PLEKHA6: variants seen among roughly 807,000 people sequenced by gnomAD.
PLEKHA6 encodes pleckstrin homology domain-containing family A member 6.
Under a neutral mutation model 116.7 loss-of-function variants are expected in PLEKHA6, and 60 were observed. The ratio of observed to expected loss-of-function variants is 0.51; its 90% CI spans 0.42 to 0.64. The LOEUF (loss-of-function observed/expected upper bound fraction) is 0.64. Among genes scored for constraint, PLEKHA6 ranks in the 30% least tolerant of loss-of-function variants. PLEKHA6 has a pLI of 0.00. For synonymous variants in PLEKHA6, 489 were observed against 556.1 expected (o/e 0.88, Z 1.70); for missense variants, 1,338 against 1,422.7 (o/e 0.94, Z 0.96).
chr1:204,282,571 A>G (rs1487360183), intron 1 of PLEKHA6: 1 of 882,444 alleles, frequency 1.1e-6, no homozygotes, highest in African/African-American at 1.8e-5. Context: ...CCAAGACTCC[A>G]GGCCAGCATC....
chr1:204,234,165 G>A (rs901679945), intron 17 of PLEKHA6, among the ~76,000 whole-genome samples: 1 of 152,164 alleles, frequency 6.6e-6, no homozygotes, highest in African/African-American at 2.4e-5. Flanking sequence ...ATCCTTACAT[G>A]GGGCAGGAAA....
At chr1:204,338,281 A>G (rs1672722097) in intron 1 of PLEKHA6, among the ~76,000 whole-genome samples, 1 of 152,226 alleles carries the variant, frequency 6.6e-6, no homozygotes, top group Non-Finnish European at 1.5e-5. Context: ...TGGCTGCCAC[A>G]TATGTAAAAG....
At position 204,277,206 on chromosome 1, in the gene PLEKHA6, G is replaced by A. The variant is rs913996518; in HGVS notation, c.-94-2397C>T. 6.6e-6 allele frequency: 1 copy of A among 152,538 alleles called. No individual in the cohort carries two copies. Among genetic ancestry groups the A allele is most frequent in the African/African-American group, 2.4e-5 (1 of 41,428 alleles). The allele number at this position is 152,538 out of a possible 1,614,324, so 9.4% of individuals were successfully genotyped here. A position where few individuals can be genotyped will look rare whatever the true frequency, so the allele number is the denominator to read the frequency against. On this transcript the variant is annotated intron_variant, in intron 1 of 22. Transcript: ENST00000272203. The surrounding 1 kb of genome is among the most constrained non-coding windows in gnomAD (Gnocchi z 4.1). ...CCCTCCTCCTGGCTCTGGCTCTGGAGAACCAGGAGGGCACTCTCCTTGGGT... is the reference window on the plus strand; with the variant it reads ...CCCTCCTCCTGGCTCTGGCTCTGGAAAACCAGGAGGGCACTCTCCTTGGGT...
At chr1:204,268,454 C>T (rs1035163650) in intron 3 of PLEKHA6, 142 bp from the exon 4 acceptor site, 34 of 433,906 alleles carry the variant, frequency 7.8e-5, no homozygotes, top group African/African-American at 6.3e-4. Context: ...AGGTGTGAAT[C>T]TTGGATCTAT....
intron 7 of PLEKHA6, among the ~76,000 whole-genome samples, chr1:204,260,229 G>A (rs759027415): frequency 2.0e-5 from 3 of 152,170 alleles, no homozygotes; most frequent in African/African-American, 4.8e-5. Flanking sequence ...AAGAGTCTTG[G>A]GCTCCTCATC....
intron 1 of PLEKHA6, among the ~76,000 whole-genome samples, chr1:204,352,577 A>G (rs1314100996): frequency 1.3e-5 from 2 of 152,144 alleles, no homozygotes; most frequent in Admixed American, 6.5e-5. Flanking sequence ...GGAACCTCCT[A>G]GGAGAGTCTA....
At chr1:204,266,947 C>T (rs1666901071) in intron 5 of PLEKHA6, among the ~76,000 whole-genome samples, 1 of 152,124 alleles carries the variant, frequency 6.6e-6, no homozygotes, top group South Asian at 2.1e-4. Context: ...AAGGTGAAGC[C>T]AGAGGACATG....
chr1:204,297,127 A>G (rs1254052964), intron 1 of PLEKHA6: 2 of 983,358 alleles, frequency 2.0e-6, no homozygotes, highest in Non-Finnish European at 2.4e-6. Context: ...TAAAATCCGA[A>G]TCAGATGGAG....
chr1:204,333,066 C>T (rs781719612), intron 1 of PLEKHA6, among the ~76,000 whole-genome samples: 3 of 152,194 alleles, frequency 2.0e-5, no homozygotes, highest in Non-Finnish European at 4.4e-5. Context: ...ATAAGGCAAA[C>T]GACAAACTAA....
rs1436660855 is a variant in PLEKHA6, at chr1:204,261,612, G to A, written c.382-164C>T. 2 of 749,850 alleles carry A rather than the reference G, an allele frequency of 2.7e-6. No individual in the cohort carries two copies. The highest frequency in any genetic ancestry group is 4.3e-6 in the Non-Finnish European group (2 of 470,098). The allele number at this position is 749,850 out of a possible 1,614,324, so 46.4% of individuals were successfully genotyped here. A position where few individuals can be genotyped will look rare whatever the true frequency, so the allele number is the denominator to read the frequency against. On this transcript the variant is annotated intron_variant, in intron 6 of 22. Transcript: ENST00000272203. This position sits in a 1 kb window ranked among gnomAD's most constrained non-coding sequence, Gnocchi z 4.0. ...CGGAGCTCAGGAGCAAGGTGAAGAGGGCAGCTTGCAGCTACCCCGAGGGTT... is the reference window on the plus strand; with the variant it reads ...CGGAGCTCAGGAGCAAGGTGAAGAGAGCAGCTTGCAGCTACCCCGAGGGTT...
At chr1:204,350,853 CG>C (rs1348134992) in intron 1 of PLEKHA6, among the ~76,000 whole-genome samples, 6 of 152,336 alleles carry the variant, frequency 3.9e-5, no homozygotes, top group Admixed American at 3.9e-4. Flanking sequence ...CACAAAGGGT[CG>C]GAAACAGCAC....
At chr1:204,295,554 G>A (rs1670194014) in intron 1 of PLEKHA6, among the ~76,000 whole-genome samples, 1 of 151,696 alleles carries the variant, frequency 6.6e-6, no homozygotes, top group African/African-American at 2.4e-5. Context: ...AGCTGCATAA[G>A]GTGTGTAGCA....
At chr1:204,300,267 T>C (rs1056293909) in intron 1 of PLEKHA6, among the ~76,000 whole-genome samples, 1 of 152,188 alleles carries the variant, frequency 6.6e-6, no homozygotes, top group African/African-American at 2.4e-5. Flanking sequence ...CCAGGGCTCA[T>C]GATCCTTGAG....
rs567646908 is a variant in PLEKHA6, at chr1:204,370,482, A to T, written c.160+1048T>A. On this transcript the variant is annotated intron_variant, in intron 2 of 4. Coordinates refer to the PLEKHA6 transcript ENST00000564627. The stretch of plus-strand genomic sequence containing the variant: ...CCTCTTACTGGCCCGTGGTGGCGTC[A>T]TGAGGAGGATGAATGGCTGTTCAGT... 6.6e-5 allele frequency among the ~76,000 whole-genome samples: 10 copies of T among 152,368 alleles called. 1 individual carries two copies. The South Asian group carries it at 2.1e-3, about 32-fold the overall frequency.
chr1:204,297,812 A>C, intron 1 of PLEKHA6: 1 of 804,484 alleles, frequency 1.2e-6, no homozygotes, highest in Non-Finnish European at 1.5e-6. Context: ...GCTGTTTCTT[A>C]TCAGAGATCC....
At chr1:204,363,633 G>A (rs1673600635), upstream of PLEKHA6, among the ~76,000 whole-genome samples, 1 of 152,158 alleles carries the variant, frequency 6.6e-6, no homozygotes, top group Non-Finnish European at 1.5e-5. Context: ...AAGGGGGCGG[G>A]GGAACACTTC....
chr1:204,279,131 C>T (rs1037771205), intron 1 of PLEKHA6, among the ~76,000 whole-genome samples: 4 of 152,090 alleles, frequency 2.6e-5, no homozygotes, highest in Admixed American at 6.6e-5. Flanking sequence ...GGGGTAGGGG[C>T]GCTTTGGGAA....
chr1:204,353,709 T>C (rs969268757), intron 1 of PLEKHA6, among the ~76,000 whole-genome samples: 5 of 152,272 alleles, frequency 3.3e-5, no homozygotes, highest in South Asian at 2.1e-4. Flanking sequence ...TTATTCCCAT[T>C]TTAGAGATGA....
At chr1:204,348,255 T>TGACCCTCTGCAACCTTCTC (rs1673142286) in intron 1 of PLEKHA6, among the ~76,000 whole-genome samples, 1 of 152,218 alleles carries the variant, frequency 6.6e-6, no homozygotes, top group Non-Finnish European at 1.5e-5. Context: ...TGAAGCTTCT[T>TGACCCTCTGCAACCTTCTC]GACCCTCTGC....
Sources: gnomAD v4.1 joint callset for allele counts (sites outside exome capture counted in the v4.1 genomes callset) on GRCh38, gnomAD v4.1.1 for gene constraint, Gnocchi (gnomAD v3.1) non-coding constraint, MANE v1.5 for transcripts, NCBI Gene and HGNC (gene_info 2026-07-23, HGNC 2026-07-21) for gene names.